Variants in SPAG16 observed in about 807,000 individuals in gnomAD.
SPAG16 encodes sperm associated antigen 16, also known as sperm-associated antigen 16 protein.
In SPAG16, 86 loss-of-function variants were observed where a neutral mutation model predicts 80.4. The ratio of observed to expected loss-of-function variants is 1.07; its 90% CI spans 0.90 to 1.28. The LOEUF is 1.28. SPAG16 is among the 50% of genes most tolerant of loss of function. The pLI, the probability that SPAG16 is intolerant of heterozygous loss-of-function variation, is 0.00. For synonymous variants in SPAG16, 294 were observed against 265.9 expected (o/e 1.11, Z -1.03); for missense variants, 870 against 765.3 (o/e 1.14, Z -1.61).
intron 9 of SPAG16, among the ~76,000 whole-genome samples, chr2:213,458,008 C>T (rs901222688): frequency 1.3e-5 from 2 of 151,698 alleles, no homozygotes; most frequent in Non-Finnish European, 2.9e-5. Context: ...GTTTTTTACT[C>T]ATCACATTCT....
chr2:214,278,627 G>T (rs1692658437), intron 15 of SPAG16, among the ~76,000 whole-genome samples: 1 of 152,038 alleles, frequency 6.6e-6, no homozygotes. Context: ...CACTATCTTT[G>T]AGAAAAAACT....
intron 1 of SPAG16, among the ~76,000 whole-genome samples, chr2:213,287,329 G>T (rs957109645): frequency 3.3e-5 from 5 of 152,236 alleles, no homozygotes; most frequent in African/African-American, 1.2e-4. Context: ...GTTTTCAACT[G>T]TAGTAGTGAG....
At chr2:213,572,577 AG>A (rs1379506353) in intron 10 of SPAG16, among the ~76,000 whole-genome samples, 2 of 152,068 alleles carry the variant, frequency 1.3e-5, no homozygotes, top group African/African-American at 4.8e-5. Flanking sequence ...GACCCACTTG[AG>A]GAGGCAGTCG....
chr2:213,500,677 G>A (rs1486645536), intron 10 of SPAG16, among the ~76,000 whole-genome samples: 2 of 152,234 alleles, frequency 1.3e-5, no homozygotes, highest in African/African-American at 4.8e-5. Context: ...AAAGGACAGA[G>A]AACGACCAAT....
intron 14 of SPAG16, among the ~76,000 whole-genome samples, chr2:214,134,738 G>A: frequency 6.6e-6 from 1 of 152,112 alleles, no homozygotes; most frequent in East Asian, 1.9e-4. Flanking sequence ...AACTTACTGA[G>A]ACTAGTGGCC....
intron 15 of SPAG16, among the ~76,000 whole-genome samples, chr2:214,222,370 G>A (rs1265520892): frequency 6.6e-6 from 1 of 151,996 alleles, no homozygotes; most frequent in Non-Finnish European, 1.5e-5. Context: ...ACCCGCCTTG[G>A]CCTCCCAAAG....
chr2:213,310,319 AACACAC>A (rs59407158), intron 4 of SPAG16, 142 bp downstream of exon 4: 13,538 of 346,732 alleles, frequency 0.039, 361 homozygotes, highest in African/African-American at 0.062. Context: ...CTGAAACCAC[AACACAC>A]ACACACACAC....
intron 12 of SPAG16, among the ~76,000 whole-genome samples, chr2:213,949,194 G>GTTTTGTTTTGTTTTTTTTTTTTTTT (rs2079621462): frequency 9.5e-5 from 1 of 10,510 alleles, no homozygotes. Context: ...TTTTTTTTTT[G>GTTTTGTTTTGTTTTTTTTTTTTTTT]AGGTAGAGTC....
At chr2:214,095,054 G>T (rs972725745) in intron 13 of SPAG16, among the ~76,000 whole-genome samples, 4 of 152,062 alleles carry the variant, frequency 2.6e-5, no homozygotes, top group African/African-American at 7.2e-5. Flanking sequence ...ATCAGGGTTG[G>T]AGTGTGGGGA....
intron 10 of SPAG16, among the ~76,000 whole-genome samples, chr2:213,742,908 ATTG>A (rs142154070): frequency 0.047 from 6,518 of 139,252 alleles, 399 homozygotes; most frequent in African/African-American, 0.15. Context: ...AACATGCCGT[ATTG>A]TTGTTTTTTT....
intron 13 of SPAG16, among the ~76,000 whole-genome samples, chr2:214,015,281 A>G (rs2047529178): frequency 6.6e-6 from 1 of 152,112 alleles, no homozygotes; most frequent in African/African-American, 2.4e-5. Context: ...TGGCTGGTTG[A>G]TATCAGTATT....
At chr2:213,506,997 A>G (rs2074994729) in intron 10 of SPAG16, among the ~76,000 whole-genome samples, 1 of 152,214 alleles carries the variant, frequency 6.6e-6, no homozygotes, top group Non-Finnish European at 1.5e-5. Context: ...ACAAAATGTA[A>G]GTTCTCTTTC....
intron 10 of SPAG16, among the ~76,000 whole-genome samples, chr2:213,566,817 A>G (rs370873332): frequency 6.6e-6 from 1 of 152,166 alleles, no homozygotes; most frequent in Admixed American, 6.5e-5. Context: ...GCCTTTCCTG[A>G]TTTAGTTGCC....
chr2:214,113,799 A>G (rs2053796342), intron 14 of SPAG16, among the ~76,000 whole-genome samples: 1 of 152,114 alleles, frequency 6.6e-6, no homozygotes, highest in Non-Finnish European at 1.5e-5. Flanking sequence ...GTTTGTTATT[A>G]CCGACCTTCT....
chr2:213,559,866 ACAAT>A (rs1187421284), intron 10 of SPAG16, among the ~76,000 whole-genome samples: 1 of 152,088 alleles, frequency 6.6e-6, no homozygotes, highest in Non-Finnish European at 1.5e-5. Context: ...TTAATGATTG[ACAAT>A]CAATATTTTA....
intron 9 of SPAG16, among the ~76,000 whole-genome samples, chr2:213,484,800 A>G (rs967270659): frequency 5.9e-5 from 9 of 152,264 alleles, no homozygotes; most frequent in Non-Finnish European, 1.2e-4. Flanking sequence ...TGAATTGAAT[A>G]TTTAAATCGA....
At chr2:213,382,056 T>TC in intron 9 of SPAG16, among the ~76,000 whole-genome samples, 1 of 152,156 alleles carries the variant, frequency 6.6e-6, no homozygotes, top group Non-Finnish European at 1.5e-5. Context: ...AGTTTTTTTT[T>TC]TTTAATCCAT....
At chr2:213,458,063 T>C (rs2072142203) in intron 9 of SPAG16, among the ~76,000 whole-genome samples, 1 of 152,192 alleles carries the variant, frequency 6.6e-6, no homozygotes. Context: ...CTTTGAACTT[T>C]ATTTATTCCC....
At chr2:214,256,698 T>C (rs1052041768) in intron 15 of SPAG16, among the ~76,000 whole-genome samples, 9 of 152,040 alleles carry the variant, frequency 5.9e-5, no homozygotes, top group African/African-American at 1.7e-4. Context: ...ACTGGGTTCC[T>C]TTGGTGCCTT....
Sources: gnomAD v4.1 joint callset for allele counts (sites outside exome capture counted in the v4.1 genomes callset) on GRCh38, gnomAD v4.1.1 for gene constraint, MANE v1.5 for transcripts, NCBI Gene and HGNC (gene_info 2026-07-23, HGNC 2026-07-21) for gene names.